MTCH1: variants seen among roughly 807,000 people sequenced by gnomAD.
MTCH1 encodes mitochondrial carrier 1, also known as mitochondrial carrier homolog 1.
MTCH1 carries 23 observed loss-of-function variants against 49.3 expected under a neutral mutation model. The observed-to-expected ratio is 0.47, with a 90% confidence interval of 0.34 to 0.66. The LOEUF is 0.66. Among genes scored for constraint, MTCH1 ranks in the 30% least tolerant of loss-of-function variants. MTCH1 has a pLI of 0.01. For synonymous variants in MTCH1, 229 were observed against 215.2 expected, an observed-to-expected ratio of 1.06 and a Z score of -0.56; for missense variants, 397 against 532.1, an observed-to-expected ratio of 0.75 and a Z score of 2.50.
intron 6 of MTCH1, among the ~76,000 whole-genome samples, chr6:36,976,097 G>A (rs1037166133): frequency 1.3e-5 from 2 of 152,132 alleles, no homozygotes; most frequent in Non-Finnish European, 2.9e-5. Flanking sequence ...TCTAGCAGAG[G>A]AGCCCACAGG....
rs184908623 is a variant in MTCH1 at position 36,981,765 on chromosome 6, C to T, written c.322-93G>A. 1.6e-5 allele frequency: 17 copies of T among 1,041,980 alleles called. No individual in the cohort carries two copies. The African/African-American group carries it at 2.1e-4, about 13-fold the overall frequency. 64.5% of individuals were successfully genotyped at this position (1,041,980 alleles called of 1,614,324 possible). On this transcript the variant is annotated intron_variant, in intron 1 of 11. Coordinates refer to ENST00000373627, the MANE Select transcript of MTCH1 (RefSeq NM_001271641.2). ...CACACCTCTTGCCCCCTTTGCTTAA[C>T]TCTTCTCCCACAAATTCTAATGTGG... is the stretch of plus-strand genomic sequence containing the variant.
chr6:36,981,628 C>T lies in MTCH1; in HGVS notation c.366G>A (p.Leu122=). The T allele has an allele frequency of 6.2e-7, 1 of 1,614,014 alleles. No homozygotes were observed. Among genetic ancestry groups the T allele is most frequent in the Non-Finnish European group, 8.5e-7 (1 of 1,179,956 alleles). ...PMPPTLGTNV[L]GRKVLYLPSF... The stretch of plus-strand genomic sequence containing the variant: ...TCGGCAGATAGAGGACCTTCCTCCC[C>T]AGCACATTGGTCCCAAGGGTGGGGG... Residue 122 remains leucine, a synonymous_variant, in exon 2 of 12, where the codon CTG becomes CTA. Transcript: ENST00000373627.
chr6:36,972,960 T>G lies in MTCH1; in HGVS notation c.762-164A>C, dbSNP rs1763734134. On this transcript the variant is annotated intron_variant, in intron 7 of 11. Transcript: ENST00000373627. The surrounding 1 kb of genome is among the most constrained non-coding windows in gnomAD (Gnocchi z 4.1). ...TGCAGGGTCCAGCAGCTATGCACAC[T>G]GGGAAGATAGTGCTCCTTTTCCCAT... 6.6e-6 allele frequency among the ~76,000 whole-genome samples: 1 copy of G among 152,142 alleles called. No homozygotes were observed. Among genetic ancestry groups the G allele is most frequent in the Non-Finnish European group, 1.5e-5 (1 of 68,030 alleles).
intron 2 of MTCH1, among the ~76,000 whole-genome samples, chr6:36,981,028 C>T (rs1264324186): frequency 2.0e-5 from 3 of 152,166 alleles, no homozygotes; most frequent in African/African-American, 4.8e-5. Flanking sequence ...GTAAGTGGCC[C>T]ACCCAAACTC....
At chr6:36,978,724 A>G in intron 2 of MTCH1, 113 bp from the exon 3 acceptor site, 1 of 824,242 alleles carries the variant, frequency 1.2e-6, no homozygotes, top group Non-Finnish European at 2.0e-6. Context: ...TGCTGACTAC[A>G]GGCACAGAAG....
intron 2 of MTCH1, among the ~76,000 whole-genome samples, chr6:36,978,938 T>C (rs2150750831): frequency 6.8e-6 from 1 of 146,672 alleles, no homozygotes; most frequent in South Asian, 2.3e-4. Context: ...CCATGATTTC[T>C]CAACTCAGCA....
upstream of MTCH1, chr6:36,986,210 G>GGGGCC: frequency 7.1e-7 from 1 of 1,406,756 alleles, no homozygotes; most frequent in African/African-American, 1.5e-5. Context: ...GTCACGTGAC[G>GGGGCC]GGGCCACGCC....
In MTCH1 at chr6:36,972,854, C is replaced by A. The variant is rs559396184; in HGVS notation, c.762-58G>T. 4 of 1,471,570 alleles carry A rather than the reference C, an allele frequency of 2.7e-6. No homozygotes were observed. The highest frequency in any genetic ancestry group is 5.0e-5 in the East Asian group (2 of 39,908). 91.2% of individuals were successfully genotyped at this position (1,471,570 alleles called of 1,614,324 possible). ...GAGGGAGAGGAGCAGTTCCTGGGGG[C>A]TCCACACCCAGGAAGCAGGCAGGGA... On this transcript the variant is annotated intron_variant, in intron 7 of 11. Transcript: ENST00000373627. This position sits in a 1 kb window ranked among gnomAD's most constrained non-coding sequence, Gnocchi z 4.1.
chr6:36,984,963 C>A (rs905977648), intron 1 of MTCH1, among the ~76,000 whole-genome samples: 1 of 152,056 alleles, frequency 6.6e-6, no homozygotes. Context: ...ACTATGACTT[C>A]CATTTCCTCC....
In MTCH1 at chr6:36,969,071, G is replaced by T. The variant is rs530504830; in HGVS notation, c.1099-97C>A. On this transcript the variant is annotated intron_variant, in intron 11 of 11. Coordinates refer to ENST00000373627, the MANE Select transcript of MTCH1 (RefSeq NM_001271641.2). Reference sequence around the variant, plus strand: ...GTGTCAGGCAAAGAAGGGTCCAGGAGCTCAAAGACCCAGCTCCGGGGTGGA... The same window carrying T: ...GTGTCAGGCAAAGAAGGGTCCAGGATCTCAAAGACCCAGCTCCGGGGTGGA... 19 of 1,522,316 alleles carry T rather than the reference G, an allele frequency of 1.2e-5. No homozygotes were observed. In the South Asian group the frequency reaches 2.2e-4, roughly 17 times the overall value. The allele number at this position is 1,522,316 out of a possible 1,614,324, so 94.3% of individuals were successfully genotyped here.
chr6:36,977,929 T>A lies in MTCH1; in HGVS notation c.591+149A>T. 1 of 835,892 alleles carries A rather than the reference T, an allele frequency of 1.2e-6. No individual in the cohort carries two copies. The highest frequency in any genetic ancestry group is 1.6e-5 in the South Asian group (1 of 61,566). The allele number at this position is 835,892 out of a possible 1,614,324, so 51.8% of individuals were successfully genotyped here. The stretch of plus-strand genomic sequence containing the variant: ...AAGGCTTTCCGGGGTTCCCGGCACA[T>A]CCAGGCCAGGGCTTCTTCCCTTACC... On this transcript the variant is annotated intron_variant, in intron 4 of 11. Transcript: ENST00000373627. The surrounding 1 kb of genome is among the most constrained non-coding windows in gnomAD (Gnocchi z 5.4).
rs775499566 is a variant in MTCH1 at position 36,970,459 on chromosome 6, C to G, written c.969G>C (p.Met323Ile). The stretch of plus-strand genomic sequence containing the variant: ...CAACTAGCAGGAAGGGGTAGGTCAG[C>G]ATGCTCACTGCAATCTGAAACCCAG... ...TKFVMGIAVS[M>I]LTYPFLLVGD... The change falls in exon 10 of 12, where the codon ATG becomes ATC. Residue 323 changes from methionine (M) to isoleucine (I), a missense_variant. Around this residue, in one of 2 missense-constraint regions of MTCH1, gnomAD observed 252 missense variants for 388.3 expected, o/e 0.65. Transcript: ENST00000373627. 6.2e-7 allele frequency: 1 copy of G among 1,614,190 alleles called. No homozygotes were observed. The highest frequency in any genetic ancestry group is 8.5e-7 in the Non-Finnish European group (1 of 1,180,046).
At chr6:36,976,063 C>T (rs1763868511) in intron 6 of MTCH1, among the ~76,000 whole-genome samples, 1 of 152,304 alleles carries the variant, frequency 6.6e-6, no homozygotes. Flanking sequence ...CCGGCCCTCA[C>T]ACTTATCTCT....
At position 36,982,816 on chromosome 6, in the gene MTCH1, C is replaced by T. The variant is rs1050433342; in HGVS notation, c.322-1144G>A. 2.6e-5 allele frequency among the ~76,000 whole-genome samples: 4 copies of T among 152,226 alleles called. No homozygotes were observed. Among genetic ancestry groups the T allele is most frequent in the South Asian group, 4.1e-4 (2 of 4,834 alleles). On this transcript the variant is annotated intron_variant, in intron 1 of 11. Coordinates refer to ENST00000373627, the MANE Select transcript of MTCH1 (RefSeq NM_001271641.2). The surrounding 1 kb of genome is among the most constrained non-coding windows in gnomAD (Gnocchi z 4.1). ...AGGCAAGGTGTCAAGGAGACCAGCA[C>T]CTAGGTGGGGAGTGAGAAGGCTCCT...
In MTCH1 at chr6:36,977,840, C is replaced by T; in HGVS notation, c.592-149G>A. On this transcript the variant is annotated intron_variant, in intron 4 of 11. Transcript: ENST00000373627. The surrounding 1 kb of genome is among the most constrained non-coding windows in gnomAD (Gnocchi z 5.4). ...TGCCAAGGATGGCTCCACCTGTTGC[C>T]CACTCCCCAGTCCCCCACCCAGGAG... The T allele has an allele frequency of 2.5e-6, 2 of 800,750 alleles. No homozygotes were observed. Among genetic ancestry groups the T allele is most frequent in the East Asian group, 2.7e-5 (1 of 37,280 alleles). The allele number at this position is 800,750 out of a possible 1,614,324, so 49.6% of individuals were successfully genotyped here. A position where few individuals can be genotyped will look rare whatever the true frequency, so the allele number is the denominator to read the frequency against.
chr6:36,969,333 C>T, intron 11 of MTCH1: 6 of 1,112,116 alleles, frequency 5.4e-6, no homozygotes, highest in Non-Finnish European at 6.6e-6. Flanking sequence ...GGCTCTCCTC[C>T]CTGCTTCCCT....
At chr6:36,983,131 T>C (rs897590957) in intron 1 of MTCH1, among the ~76,000 whole-genome samples, 3 of 152,182 alleles carry the variant, frequency 2.0e-5, no homozygotes, top group African/African-American at 7.2e-5. Flanking sequence ...AGATTAATGA[T>C]TGTAAATTTA....
intron 7 of MTCH1, among the ~76,000 whole-genome samples, chr6:36,973,964 A>C (rs1314762831): frequency 6.6e-6 from 1 of 152,220 alleles, no homozygotes; most frequent in Admixed American, 6.5e-5. Flanking sequence ...CTATGTTCAG[A>C]AAGAATAAAG....
rs565215930 is a variant in MTCH1 at position 36,976,617 on chromosome 6, C to A, written c.701+582G>T. On this transcript the variant is annotated intron_variant, in intron 6 of 11. Transcript: ENST00000373627. ...AGGACAGCTGCAAAAAACACCGACC[C>A]CAGGAAATGAGAATCTTAAGAGAGG... 83 of 470,366 alleles carry A rather than the reference C, an allele frequency of 1.8e-4. 1 individual carries two copies. Among genetic ancestry groups the A allele is most frequent in the Non-Finnish European group, 6.2e-5 (14 of 226,638 alleles). The allele number at this position is 470,366 out of a possible 1,614,324, so 29.1% of individuals were successfully genotyped here. A position where few individuals can be genotyped will look rare whatever the true frequency, so the allele number is the denominator to read the frequency against.
Sources: gnomAD v4.1 joint callset for allele counts (sites outside exome capture counted in the v4.1 genomes callset) on GRCh38, gnomAD v4.1.1 for gene constraint, gnomAD v4.1.1 regional missense constraint, Gnocchi (gnomAD v3.1) non-coding constraint, MANE v1.5 for transcripts, NCBI Gene and HGNC (gene_info 2026-07-23, HGNC 2026-07-21) for gene names.